SLC9A9: variants seen among roughly 807,000 people sequenced by gnomAD.
The protein encoded by SLC9A9 is sodium/hydrogen exchanger 9.
Under a neutral mutation model 77.8 loss-of-function variants are expected in SLC9A9, and 62 were observed. The ratio of observed to expected loss-of-function variants is 0.80; its 90% CI spans 0.65 to 0.98. The LOEUF (loss-of-function observed/expected upper bound fraction) is 0.98, where lower values mean the gene tolerates loss of function less well. Ranked by LOEUF, SLC9A9 falls within the 50% of genes least tolerant of loss-of-function variation. The pLI is 0.00. For synonymous variants in SLC9A9, 320 were observed against 283.5 expected, an observed-to-expected ratio of 1.13 and a Z score of -1.29; for missense variants, 775 against 774.9, an observed-to-expected ratio of 1.00 and a Z score of 0.00.
chr3:143,268,133 G>A (rs1937784561), intron 15 of SLC9A9, among the ~76,000 whole-genome samples: 1 of 152,154 alleles, frequency 6.6e-6, no homozygotes, highest in African/African-American at 2.4e-5. Context: ...CTAGCCAGCT[G>A]GACACTTCTA....
chr3:143,755,151 A>G (rs563521061), intron 4 of SLC9A9, among the ~76,000 whole-genome samples: 10 of 152,312 alleles, frequency 6.6e-5, no homozygotes, highest in Non-Finnish European at 1.2e-4. Context: ...AGGTGTTTGC[A>G]CAATAGGTGA....
chr3:143,588,386 G>A (rs2037591072), intron 6 of SLC9A9, among the ~76,000 whole-genome samples: 1 of 152,212 alleles, frequency 6.6e-6, no homozygotes, highest in East Asian at 1.9e-4. Flanking sequence ...TACTTCAATA[G>A]AGGATGCAGA....
intron 2 of SLC9A9, among the ~76,000 whole-genome samples, chr3:143,827,824 C>T (rs1233031467): frequency 4.6e-5 from 7 of 152,154 alleles, no homozygotes; most frequent in Non-Finnish European, 8.8e-5. Flanking sequence ...CAAAATACTC[C>T]CTTTAAAATA....
At chr3:143,610,115 A>G (rs1184798320) in intron 6 of SLC9A9, among the ~76,000 whole-genome samples, 1 of 151,852 alleles carries the variant, frequency 6.6e-6, no homozygotes, top group Admixed American at 6.6e-5. Context: ...ACTCCTTAGC[A>G]TTACTTAGAA....
intron 9 of SLC9A9, among the ~76,000 whole-genome samples, chr3:143,513,974 T>C (rs1304729194): frequency 6.6e-6 from 1 of 152,148 alleles, no homozygotes; most frequent in Non-Finnish European, 1.5e-5. Context: ...TAGGTATATC[T>C]CCTAATGCTA....
At chr3:143,336,749 G>A (rs576670734) in intron 14 of SLC9A9, among the ~76,000 whole-genome samples, 2 of 152,096 alleles carry the variant, frequency 1.3e-5, no homozygotes, top group South Asian at 4.1e-4. Context: ...AGGGGGAAAT[G>A]GGGAATTGTT....
At chr3:143,669,771 C>T (rs2108764062) in intron 5 of SLC9A9, among the ~76,000 whole-genome samples, 1 of 152,304 alleles carries the variant, frequency 6.6e-6, no homozygotes, top group East Asian at 1.9e-4. Context: ...GGCTACTTAA[C>T]CTCATTAAGC....
intron 4 of SLC9A9, among the ~76,000 whole-genome samples, chr3:143,743,272 TAGATAGATAGATAGATAGAC>T (rs1160375474): frequency 3.0e-4 from 45 of 150,338 alleles, no homozygotes; most frequent in African/African-American, 9.1e-4. Flanking sequence ...GATAGATAGA[TAGATAGATAGATAGATAGAC>T]AGACAGATAG....
chr3:143,578,744 A>G (rs1350401875), intron 6 of SLC9A9, 21 bp from the exon 7 acceptor site: 2 of 1,613,762 alleles, frequency 1.2e-6, no homozygotes, highest in Non-Finnish European at 1.7e-6. Flanking sequence ...AAGAGGGTGG[A>G]GGTTAGTTAG....
chr3:143,697,238 T>C (rs995340659), intron 4 of SLC9A9, among the ~76,000 whole-genome samples: 1 of 152,070 alleles, frequency 6.6e-6, no homozygotes, highest in African/African-American at 2.4e-5. Context: ...AAGTTAATGA[T>C]TATATCTAAT....
chr3:143,633,735 T>G (rs982040079), intron 6 of SLC9A9, among the ~76,000 whole-genome samples: 1 of 152,228 alleles, frequency 6.6e-6, no homozygotes, highest in Non-Finnish European at 1.5e-5. Context: ...ACAAGATCTA[T>G]AAAATACTAT....
intron 12 of SLC9A9, among the ~76,000 whole-genome samples, chr3:143,432,965 C>A (rs761853445): frequency 6.6e-6 from 1 of 152,180 alleles, no homozygotes; most frequent in Non-Finnish European, 1.5e-5. Context: ...CATTTCTTAC[C>A]TTTGGACTCA....
chr3:143,736,025 C>T (rs1934933103), intron 4 of SLC9A9, among the ~76,000 whole-genome samples: 1 of 152,194 alleles, frequency 6.6e-6, no homozygotes, highest in African/African-American at 2.4e-5. Flanking sequence ...CAAACAACTT[C>T]CCATGTTATA....
intron 2 of SLC9A9, among the ~76,000 whole-genome samples, chr3:143,816,157 T>A (rs1301461064): frequency 6.6e-6 from 1 of 152,212 alleles, no homozygotes; most frequent in African/African-American, 2.4e-5. Context: ...TATTTATGTA[T>A]TTCATATATG....
chr3:143,346,819 T>C (rs2032293688), intron 14 of SLC9A9, among the ~76,000 whole-genome samples: 1 of 151,902 alleles, frequency 6.6e-6, no homozygotes, highest in Non-Finnish European at 1.5e-5. Flanking sequence ...AAAAGTTTGG[T>C]TAAAATGAAA....
At chr3:143,579,835 C>A (rs533797987) in intron 6 of SLC9A9, among the ~76,000 whole-genome samples, 2 of 152,172 alleles carry the variant, frequency 1.3e-5, no homozygotes, top group African/African-American at 4.8e-5. Context: ...CTTTTGGTAT[C>A]CAGAGATGAC....
At chr3:143,510,727 T>C (rs3928471) in intron 9 of SLC9A9, among the ~76,000 whole-genome samples, 123,530 of 152,088 alleles carry the variant, frequency 0.81, 51,240 homozygotes, top group Non-Finnish European at 0.91. Context: ...CTATGTTCAG[T>C]TTTTGGTCTG....
chr3:143,602,644 A>G (rs942292308), intron 6 of SLC9A9, among the ~76,000 whole-genome samples: 2 of 152,234 alleles, frequency 1.3e-5, no homozygotes, highest in African/African-American at 4.8e-5. Context: ...GCAATTCTAT[A>G]GTCTAAAATT....
intron 4 of SLC9A9, among the ~76,000 whole-genome samples, chr3:143,764,735 A>G (rs2007245385): frequency 6.6e-6 from 1 of 151,950 alleles, no homozygotes; most frequent in Admixed American, 6.6e-5. Context: ...TTATTTATTT[A>G]TTTATTTATC....
Sources: allele counts gnomAD v4.1 joint callset (sites outside exome capture counted in the v4.1 genomes callset), GRCh38; gene constraint gnomAD v4.1.1; transcripts MANE v1.5; gene names NCBI Gene and HGNC (gene_info 2026-07-23, HGNC 2026-07-21).